The following MANBA variants were observed in gnomAD, a reference collection of about 807,000 sequenced individuals.
MANBA encodes beta-mannosidase.
In MANBA, 83 loss-of-function variants were observed where a neutral mutation model predicts 111.1. That is an observed-to-expected ratio of 0.75 (90% CI 0.63 to 0.90). The LOEUF (loss-of-function observed/expected upper bound fraction) is 0.90. Ranked by LOEUF, MANBA falls within the 40% of genes least tolerant of loss-of-function variation. The pLI is 0.00. For synonymous variants in MANBA, 370 were observed against 378.7 expected, an observed-to-expected ratio of 0.98 and a Z score of 0.27; for missense variants, 1,036 against 1,069.0, an observed-to-expected ratio of 0.97 and a Z score of 0.43.
At chr4:102,652,145 AATT>A (rs1179257147) in intron 12 of MANBA, among the ~76,000 whole-genome samples, 1 of 152,124 alleles carries the variant, frequency 6.6e-6, no homozygotes, top group Non-Finnish European at 1.5e-5. Context: ...ATATACAATA[AATT>A]ATTATTAACT....
At chr4:102,667,159 G>A (rs764205751) in intron 10 of MANBA, 3 of 152,138 alleles carry the variant, frequency 2.0e-5, no homozygotes, top group Non-Finnish European at 4.4e-5. Flanking sequence ...AGATATTCCA[G>A]GATCAGGGTT....
intron 7 of MANBA, among the ~76,000 whole-genome samples, chr4:102,683,340 G>C (rs184488184): frequency 6.6e-6 from 1 of 152,210 alleles, no homozygotes; most frequent in East Asian, 1.9e-4. Context: ...AATTTAATTG[G>C]AGAATCTTGA....
chr4:102,638,328 A>G (rs998991212), intron 14 of MANBA, among the ~76,000 whole-genome samples: 1 of 152,102 alleles, frequency 6.6e-6, no homozygotes, highest in African/African-American at 2.4e-5. Flanking sequence ...CAGGAAGTTG[A>G]GGTGGGAGGA....
At chr4:102,727,303 C>A (rs1208748796) in intron 1 of MANBA, 6 of 605,786 alleles carry the variant, frequency 9.9e-6, no homozygotes, top group Non-Finnish European at 1.8e-5. Context: ...TTGCTCTGGG[C>A]TTCCGTGCTC....
intron 1 of MANBA, among the ~76,000 whole-genome samples, chr4:102,748,150 G>A (rs111590671): frequency 2.0e-5 from 3 of 152,240 alleles, no homozygotes; most frequent in African/African-American, 7.2e-5. Flanking sequence ...TTCTGCATGG[G>A]TTTGATCCCC....
chr4:102,697,603 C>T (rs1341488093), intron 5 of MANBA, among the ~76,000 whole-genome samples: 5 of 145,504 alleles, frequency 3.4e-5, no homozygotes, highest in East Asian at 2.1e-4. Flanking sequence ...TGAGAATATG[C>T]GGTGTTTGGT....
In MANBA at chr4:102,718,602, TG is replaced by T. The variant is rs1201968355; in HGVS notation, c.550-4042del. Among the ~76,000 whole-genome samples, 9 of 152,326 alleles carry T rather than the reference TG, an allele frequency of 5.9e-5. No individual in the cohort carries two copies. In the South Asian group the frequency reaches 6.2e-4, roughly 11 times the overall value. ...AAGTGATGAGTCCCACTATCCATTC[TG>T]GACAGAAAAGGAAGCAGAGACAATA... On this transcript the variant is annotated intron_variant, in intron 4 of 16. Transcript: ENST00000647097.
chr4:102,643,593 T>C (rs1219054960), intron 13 of MANBA, among the ~76,000 whole-genome samples: 1 of 152,194 alleles, frequency 6.6e-6, no homozygotes, highest in Non-Finnish European at 1.5e-5. Flanking sequence ...TTGTAGATAT[T>C]GTAGTGGATA....
At chr4:102,692,204 C>T (rs146220712) in intron 5 of MANBA, among the ~76,000 whole-genome samples, 96 of 152,210 alleles carry the variant, frequency 6.3e-4, no homozygotes, top group African/African-American at 2.2e-3. Context: ...TAAAATCTCT[C>T]TGTGTACAAA....
At chr4:102,650,761 T>C in intron 12 of MANBA, 60 bp from the exon 13 acceptor site, 1 of 1,390,106 alleles carries the variant, frequency 7.2e-7, no homozygotes, top group Non-Finnish European at 1.0e-6. Context: ...TACTTTTCTA[T>C]AAGTTCCTGA....
intron 5 of MANBA, among the ~76,000 whole-genome samples, chr4:102,696,334 C>G (rs28613301): frequency 0.028 from 4,231 of 152,272 alleles, 137 homozygotes; most frequent in African/African-American, 0.078. Flanking sequence ...TATCAAAATA[C>G]TGTCTTTGTA....
At chr4:102,692,755 A>C (rs967141612) in intron 5 of MANBA, among the ~76,000 whole-genome samples, 13 of 151,876 alleles carry the variant, frequency 8.6e-5, no homozygotes, top group African/African-American at 2.4e-4. Context: ...AGTGGCTTCT[A>C]TTTTTCTCCA....
chr4:102,656,999 T>C (rs577649276), intron 12 of MANBA, among the ~76,000 whole-genome samples: 1 of 152,274 alleles, frequency 6.6e-6, no homozygotes, highest in East Asian at 1.9e-4. Flanking sequence ...TAAAATTAAA[T>C]TGTGGTGCTG....
rs6826048 is a variant in MANBA at position 102,673,466 on chromosome 4, C to T, written c.1112+453G>A. The stretch of plus-strand genomic sequence containing the variant: ...GAGGTTGCAGTGAGCTGAGATCACG[C>T]GACTGCACTCCAGCCTGGGCAACAG... On this transcript the variant is annotated intron_variant, in intron 8 of 16. Coordinates refer to ENST00000647097, the MANE Select transcript of MANBA (RefSeq NM_005908.4). Among the ~76,000 whole-genome samples, 363 of 150,340 alleles carry T rather than the reference C, an allele frequency of 2.4e-3. 1 individual carries two copies. The highest frequency in any genetic ancestry group is 8.1e-3 in the African/African-American group (330 of 40,840).
At chr4:102,755,386 A>C (rs1278596270) in intron 1 of MANBA, among the ~76,000 whole-genome samples, 4 of 152,260 alleles carry the variant, frequency 2.6e-5, no homozygotes, top group Non-Finnish European at 5.9e-5. Flanking sequence ...TTCCCTATTT[A>C]ATAAATGGTG....
At chr4:102,632,314 A>G (rs1729422625) in intron 16 of MANBA, 33 bp from the exon 17 acceptor site, 1 of 1,473,890 alleles carries the variant, frequency 6.8e-7, no homozygotes, top group Admixed American at 1.7e-5. Context: ...AATGAAGTGA[A>G]GGATGAGGGA....
At chr4:102,741,922 G>C (rs952997855) in intron 1 of MANBA, among the ~76,000 whole-genome samples, 1 of 152,122 alleles carries the variant, frequency 6.6e-6, no homozygotes, top group Admixed American at 6.5e-5. Flanking sequence ...TTTTTTCCTG[G>C]TAAAGTGACC....
intron 1 of MANBA, among the ~76,000 whole-genome samples, chr4:102,744,615 A>G (rs1332450128): frequency 6.6e-6 from 1 of 152,206 alleles, no homozygotes; most frequent in Admixed American, 6.5e-5. Flanking sequence ...AGATGTGTTA[A>G]TTTGCTCAAG....
chr4:102,729,563 A>G, intron 1 of MANBA: 1 of 872,246 alleles, frequency 1.1e-6, no homozygotes, highest in South Asian at 1.3e-5. Context: ...TTGTTCATGT[A>G]ACCTTCATCC....
Sources: allele counts gnomAD v4.1 joint callset (sites outside exome capture counted in the v4.1 genomes callset), GRCh38; gene constraint gnomAD v4.1.1; transcripts MANE v1.5; gene names NCBI Gene and HGNC (gene_info 2026-07-23, HGNC 2026-07-21).